Variants in HELZ observed in about 807,000 individuals in gnomAD.
HELZ encodes the protein helicase with zinc finger.
HELZ carries 23 observed loss-of-function variants against 218.2 expected under a neutral mutation model. That is an observed-to-expected ratio of 0.11 (90% confidence interval 0.08 to 0.15). HELZ has a LOEUF of 0.15. HELZ is among the 10% of genes least tolerant of loss of function. The pLI is 1.00. For synonymous variants in HELZ, 814 were observed against 829.4 expected, an observed-to-expected ratio of 0.98 and a Z score of 0.32; for missense variants, 1,813 against 2,353.7, an observed-to-expected ratio of 0.77 and a Z score of 4.75.
intron 24 of HELZ, among the ~76,000 whole-genome samples, chr17:67,126,102 C>T (rs569676127): frequency 1.3e-5 from 2 of 152,230 alleles, no homozygotes; most frequent in South Asian, 4.2e-4. Context: ...AGGTAAGGGC[C>T]CAGAAAGCCA....
At chr17:67,212,442 A>G (rs2040483287) in intron 5 of HELZ, among the ~76,000 whole-genome samples, 1 of 151,920 alleles carries the variant, frequency 6.6e-6, no homozygotes, top group Non-Finnish European at 1.5e-5. Context: ...TTACGAAACT[A>G]TAATTAACAG....
At chr17:67,187,538 A>G (rs1454540924) in intron 12 of HELZ, among the ~76,000 whole-genome samples, 1 of 152,212 alleles carries the variant, frequency 6.6e-6, no homozygotes, top group East Asian at 1.9e-4. Context: ...CCTCCACAAT[A>G]TGGTTAGTTA....
At chr17:67,244,049 T>C (rs2041397649) in intron 1 of HELZ, 1 of 883,872 alleles carries the variant, frequency 1.1e-6, no homozygotes. Context: ...TATACAATGC[T>C]CTTAAAACTC....
rs910930012 is a variant in HELZ at position 67,179,000 on chromosome 17, C to T, written c.1163-74G>A. 12 of 966,632 alleles carry T rather than the reference C, an allele frequency of 1.2e-5. No homozygotes were observed. In the African/African-American group the frequency reaches 1.8e-4, roughly 15 times the overall value. The allele number at this position is 966,632 out of a possible 1,614,324, so 59.9% of individuals were successfully genotyped here. The stretch of plus-strand genomic sequence containing the variant: ...TTTTAAATAACATTAAAATTCTTAA[C>T]TATATTACATATTTTTGTATGAGAA... On this transcript the variant is annotated intron_variant, in intron 12 of 32. Coordinates refer to ENST00000358691, the MANE Select transcript of HELZ (RefSeq NM_014877.4).
intron 27 of HELZ, among the ~76,000 whole-genome samples, chr17:67,117,403 G>C (rs535322917): frequency 1.3e-5 from 2 of 152,080 alleles, no homozygotes; most frequent in Non-Finnish European, 2.9e-5. Context: ...GAGAAATTAG[G>C]AAGCATACTG....
Position 67,132,108 on chromosome 17 carries a change from C to A in HELZ, c.3183-3253G>T, listed in dbSNP as rs578026357. On this transcript the variant is annotated intron_variant, in intron 23 of 32. Transcript: ENST00000358691. ...ATTTTAGGCATTTCAAAGGATGTAA[C>A]CTTATTTTTAATCACTGCCTGAACA... Among the ~76,000 whole-genome samples, 11 of 152,146 alleles carry A rather than the reference C, an allele frequency of 7.2e-5. No homozygotes were observed. In the South Asian group the frequency reaches 2.3e-3, roughly 32 times the overall value.
chr17:67,191,289 T>A (rs972786984), intron 9 of HELZ, among the ~76,000 whole-genome samples: 1 of 152,220 alleles, frequency 6.6e-6, no homozygotes, highest in Non-Finnish European at 1.5e-5. Context: ...ATCAAAGTTT[T>A]ATATTACAGA....
intron 2 of HELZ, among the ~76,000 whole-genome samples, chr17:67,243,114 A>C (rs1231028993): frequency 1.3e-5 from 2 of 152,248 alleles, no homozygotes; most frequent in Non-Finnish European, 2.9e-5. Flanking sequence ...TGTATCAATA[A>C]TATCCTTTAA....
Position 67,161,050 on chromosome 17 carries a change from C to T in HELZ, c.1922G>A (p.Arg641Gln). ...AGCCTCTTTCTGTTTTGCATTTAGT[C>T]GAGGATCCAACTGTTCATCCCATTG... ...NRQWDEQLDP[R>Q]LNAKQKEAVL... is the part of the protein sequence containing the mutation. Residue 641 changes from arginine (R) to glutamine (Q), a missense_variant, in exon 16 of 33, where the codon CGA becomes CAA. Transcript: ENST00000358691. 1.2e-6 allele frequency: 2 copies of T among 1,610,454 alleles called. No individual in the cohort carries two copies. The highest frequency in any genetic ancestry group is 1.7e-6 in the Non-Finnish European group (2 of 1,178,314).
intron 12 of HELZ, among the ~76,000 whole-genome samples, chr17:67,182,426 C>T (rs1023272155): frequency 8.6e-5 from 13 of 151,966 alleles, no homozygotes; most frequent in Admixed American, 8.5e-4. Context: ...GCCTGGGTGA[C>T]AAAGCAAGAC....
At chr17:67,182,955 C>T (rs961585852) in intron 12 of HELZ, among the ~76,000 whole-genome samples, 2 of 152,032 alleles carry the variant, frequency 1.3e-5, no homozygotes, top group African/African-American at 2.4e-5. Context: ...GTGGGGAAAT[C>T]GAGTGTTCTA....
chr17:67,084,693 A>G (rs1349543571), intron 32 of HELZ, among the ~76,000 whole-genome samples: 5 of 152,052 alleles, frequency 3.3e-5, no homozygotes, highest in Non-Finnish European at 7.4e-5. Flanking sequence ...AAAAAGAAGA[A>G]GAGAAATGAT....
intron 31 of HELZ, among the ~76,000 whole-genome samples, chr17:67,094,376 T>C (rs1050876947): frequency 2.1e-4 from 18 of 87,228 alleles, no homozygotes; most frequent in Admixed American, 5.3e-4. Flanking sequence ...CTTGGAGATA[T>C]TGCAGGTTTG....
rs1376476869 is a variant in HELZ, at chr17:67,137,957, T to C, written c.2927A>G (p.Asn976Ser). The C allele has an allele frequency of 6.2e-7, 1 of 1,612,664 alleles. No individual in the cohort carries two copies. Among genetic ancestry groups the C allele is most frequent in the Admixed American group, 1.7e-5 (1 of 59,926 alleles). The change falls in exon 22 of 33, where the codon AAT (asparagine) becomes AGT (serine). Residue 976 changes from asparagine to serine, a missense_variant. By Grantham distance (46) the Asn-to-Ser change is conservative. Around this residue, in one of 4 missense-constraint regions of HELZ, gnomAD observed 156 missense variants for 274.4 expected, o/e 0.57. Coordinates refer to ENST00000358691, the MANE Select transcript of HELZ (RefSeq NM_014877.4). The stretch of plus-strand genomic sequence containing the variant: ...TTGAACATTTAGCACCCTTTCTACA[T>C]TAACATCAGATAATCTCTTTTTTCG... ...ELRKKRLSDV[N>S]VERVLNVQGK...
intron 31 of HELZ, among the ~76,000 whole-genome samples, chr17:67,098,180 T>C (rs1347709351): frequency 6.6e-6 from 1 of 152,222 alleles, no homozygotes; most frequent in Non-Finnish European, 1.5e-5. Flanking sequence ...TTTCTAAGAA[T>C]AAACCTTACT....
chr17:67,146,836 G>GT (rs2038512873), intron 20 of HELZ, among the ~76,000 whole-genome samples: 1 of 152,142 alleles, frequency 6.6e-6, no homozygotes, highest in Non-Finnish European at 1.5e-5. Flanking sequence ...TTTTTATAGT[G>GT]TAAGTTTCTG....
intron 3 of HELZ, among the ~76,000 whole-genome samples, chr17:67,232,926 G>C (rs2041075449): frequency 6.6e-6 from 1 of 152,208 alleles, no homozygotes; most frequent in Admixed American, 6.5e-5. Flanking sequence ...TTGAGTTCAG[G>C]AGTTCGAGAT....
chr17:67,231,866 G>C (rs974443778), intron 3 of HELZ, among the ~76,000 whole-genome samples: 1 of 150,816 alleles, frequency 6.6e-6, no homozygotes, highest in African/African-American at 2.4e-5. Flanking sequence ...CAGCCTGGCC[G>C]ATATGGTGAA....
At chr17:67,198,623 C>G (rs2040091331) in intron 7 of HELZ, among the ~76,000 whole-genome samples, 1 of 152,122 alleles carries the variant, frequency 6.6e-6, no homozygotes, top group African/African-American at 2.4e-5. Context: ...TTAAATGTTA[C>G]TAAAGAATAT....
Sources: gnomAD v4.1 joint callset for allele counts (sites outside exome capture counted in the v4.1 genomes callset) on GRCh38, gnomAD v4.1.1 for gene constraint, gnomAD v4.1.1 regional missense constraint, MANE v1.5 for transcripts, NCBI Gene and HGNC (gene_info 2026-07-23, HGNC 2026-07-21) for gene names.